Variants in LRRIQ1 observed in about 807,000 individuals in gnomAD.
The protein encoded by LRRIQ1 is leucine-rich repeat- and IQ domain-containing protein 1.
LRRIQ1 carries 210 observed loss-of-function variants against 211.9 expected under a neutral mutation model. The observed-to-expected ratio is 0.99, with a 90% confidence interval of 0.89 to 1.11. The LOEUF (loss-of-function observed/expected upper bound fraction) is 1.11. LRRIQ1 is among the 50% of genes most tolerant of loss of function. The pLI is 0.00. For synonymous variants in LRRIQ1, 699 were observed against 650.1 expected (o/e 1.08, Z -1.14); for missense variants, 2,136 against 1,939.5 (o/e 1.10, Z -1.90).
downstream of LRRIQ1, among the ~76,000 whole-genome samples, chr12:85,248,763 G>A (rs929545873): frequency 6.6e-6 from 1 of 151,778 alleles, no homozygotes; most frequent in African/African-American, 2.4e-5. Flanking sequence ...CGTGATTTGT[G>A]CCTAGAATGA....
intron 7 of LRRIQ1, among the ~76,000 whole-genome samples, chr12:85,053,262 TA>T (rs1321852289): frequency 2.6e-5 from 4 of 151,852 alleles, no homozygotes; most frequent in Non-Finnish European, 5.9e-5. Context: ...AGCAAAGAGG[TA>T]AAGAGATAAT....
At position 85,236,830 on chromosome 12, in the gene LRRIQ1, C is replaced by CATATATATATATATCTATATATCTATAT. The variant is rs1555228690; in HGVS notation, c.5016+4088_5016+4089insCTATATATCTATATATATATATATATAT. Among the ~76,000 whole-genome samples the CATATATATATATATCTATATATCTATAT allele has an allele frequency of 5.1e-4, 56 of 108,802 alleles. 1 individual carries two copies. In the East Asian group the frequency reaches 0.013, roughly 25 times the overall value. The allele number at this position is 108,802 out of a possible 152,430, so 71.4% of individuals were successfully genotyped here. ...CTGGATATATGTATGTGTATGTGTG[C>CATATATATATATATCTATATATCTATAT]ATATATATATATATATATATATATA... On this transcript the variant is annotated intron_variant, in intron 26 of 26. Coordinates refer to ENST00000393217, the MANE Select transcript of LRRIQ1 (RefSeq NM_001079910.2).
At chr12:85,046,580 A>T (rs1879613294) in intron 5 of LRRIQ1, among the ~76,000 whole-genome samples, 1 of 152,106 alleles carries the variant, frequency 6.6e-6, no homozygotes, top group East Asian at 1.9e-4. Context: ...TGTTAACATT[A>T]TTTTTTTACT....
chr12:85,185,104 G>A (rs542887670), intron 24 of LRRIQ1, among the ~76,000 whole-genome samples: 172 of 151,974 alleles, frequency 1.1e-3, no homozygotes, highest in African/African-American at 4.0e-3. Context: ...GTGAGAAAGC[G>A]TTATCTCAGA....
At chr12:85,126,245 G>A (rs1888363493) in intron 17 of LRRIQ1, among the ~76,000 whole-genome samples, 1 of 152,080 alleles carries the variant, frequency 6.6e-6, no homozygotes, top group Non-Finnish European at 1.5e-5. Flanking sequence ...GGGGAATTTT[G>A]ATGATATTAG....
At chr12:85,195,439 A>G (rs1384164485) in intron 24 of LRRIQ1, among the ~76,000 whole-genome samples, 1 of 151,426 alleles carries the variant, frequency 6.6e-6, no homozygotes, top group Non-Finnish European at 1.5e-5. Context: ...AATACTGGCA[A>G]AACGAATCCA....
At chr12:85,137,783 A>G in intron 18 of LRRIQ1, 67 bp from the exon 19 acceptor site, 2 of 1,355,066 alleles carry the variant, frequency 1.5e-6, no homozygotes, top group Non-Finnish European at 2.0e-6. Flanking sequence ...CTAATGGGAT[A>G]ACACAGATAA....
chr12:85,198,051 TA>T (rs1168404434), intron 24 of LRRIQ1, among the ~76,000 whole-genome samples: 1 of 52,808 alleles, frequency 1.9e-5, no homozygotes, highest in East Asian at 3.6e-4. Flanking sequence ...ATATATTATA[TA>T]ATTATATATA....
chr12:85,222,959 CCAGGAGGTGG>C (rs1264729428), intron 24 of LRRIQ1, among the ~76,000 whole-genome samples: 1 of 151,982 alleles, frequency 6.6e-6, no homozygotes, highest in Non-Finnish European at 1.5e-5. Flanking sequence ...AGTAGTTTAC[CCAGGAGGTGG>C]ACTAGATCTT....
chr12:85,228,715 T>A (rs1894788524), intron 24 of LRRIQ1, among the ~76,000 whole-genome samples: 1 of 152,170 alleles, frequency 6.6e-6, no homozygotes, highest in African/African-American at 2.4e-5. Flanking sequence ...GCACAGAGTA[T>A]TCAAAATAGG....
At chr12:85,104,333 A>AAT (rs1216362804) in intron 14 of LRRIQ1, among the ~76,000 whole-genome samples, 1 of 151,912 alleles carries the variant, frequency 6.6e-6, no homozygotes, top group East Asian at 1.9e-4. Flanking sequence ...TTACTTATGA[A>AAT]ATATATAGCC....
At chr12:85,083,927 C>A (rs1012444553) in intron 11 of LRRIQ1, among the ~76,000 whole-genome samples, 2 of 152,018 alleles carry the variant, frequency 1.3e-5, no homozygotes, top group African/African-American at 4.8e-5. Context: ...TTTTATATGT[C>A]AGTAATTATT....
At chr12:85,057,866 A>C (rs1881310771) in intron 8 of LRRIQ1, among the ~76,000 whole-genome samples, 1 of 152,120 alleles carries the variant, frequency 6.6e-6, no homozygotes, top group African/African-American at 2.4e-5. Context: ...TATGATTAAA[A>C]TACATATATT....
downstream of LRRIQ1, among the ~76,000 whole-genome samples, chr12:85,269,447 T>C (rs572941766): frequency 6.6e-6 from 1 of 152,136 alleles, no homozygotes; most frequent in Admixed American, 6.5e-5. Flanking sequence ...ACTTAATGGG[T>C]ATATCAATTT....
At chr12:85,198,636 C>A (rs1455696851) in intron 24 of LRRIQ1, among the ~76,000 whole-genome samples, 5 of 151,410 alleles carry the variant, frequency 3.3e-5, no homozygotes, top group Admixed American at 2.6e-4. Flanking sequence ...GGTGCTATCT[C>A]AGCTCACTGC....
intron 11 of LRRIQ1, among the ~76,000 whole-genome samples, chr12:85,085,830 A>G (rs1392107684): frequency 1.3e-5 from 2 of 152,114 alleles, no homozygotes; most frequent in African/African-American, 4.8e-5. Flanking sequence ...TTCTTTATCC[A>G]GTTCCCTGTT....
intron 24 of LRRIQ1, among the ~76,000 whole-genome samples, chr12:85,185,346 G>A (rs903094055): frequency 4.2e-4 from 63 of 151,422 alleles, no homozygotes; most frequent in African/African-American, 1.4e-3. Flanking sequence ...TTAAAGGTAA[G>A]GATTTTCAAA....
intron 6 of LRRIQ1, among the ~76,000 whole-genome samples, chr12:85,050,566 CTTCT>C (rs1880184444): frequency 6.6e-6 from 1 of 152,044 alleles, no homozygotes; most frequent in South Asian, 2.1e-4. Flanking sequence ...TTTATTCTTC[CTTCT>C]TTTTTATTAC....
intron 3 of LRRIQ1, among the ~76,000 whole-genome samples, chr12:85,042,247 T>C (rs570980167): frequency 2.0e-5 from 3 of 151,690 alleles, no homozygotes; most frequent in Admixed American, 2.0e-4. Flanking sequence ...TAACCTAATC[T>C]AATCTAATCT....
Sources: gnomAD v4.1 joint callset for allele counts (sites outside exome capture counted in the v4.1 genomes callset) on GRCh38, gnomAD v4.1.1 for gene constraint, MANE v1.5 for transcripts, NCBI Gene and HGNC (gene_info 2026-07-23, HGNC 2026-07-21) for gene names.